The following SULT2B1 variants were observed in gnomAD, a reference collection of about 807,000 sequenced individuals.
SULT2B1 encodes the protein sulfotransferase 2B1.
Under a neutral mutation model 33.2 loss-of-function variants are expected in SULT2B1, and 16 were observed. That is an observed-to-expected ratio of 0.48 (90% confidence interval 0.33 to 0.73). SULT2B1 has a LOEUF of 0.73. Ranked by LOEUF, SULT2B1 falls within the 30% of genes least tolerant of loss-of-function variation. The pLI is 0.02. For missense variants in SULT2B1, 500 were observed against 506.0 expected (o/e 0.99, Z 0.11); for synonymous variants, 186 against 200.5 (o/e 0.93, Z 0.61).
At position 48,584,496 on chromosome 19, in the gene SULT2B1, G is replaced by A. The variant is rs1973537280; in HGVS notation, c.215-2733G>A. 2.0e-5 allele frequency among the ~76,000 whole-genome samples: 3 copies of A among 151,866 alleles called. No homozygotes were observed. In the South Asian group the frequency reaches 6.2e-4, roughly 31 times the overall value. ...AGGTTTAACACTGAGCTAGCTGGCA[G>A]AGGAGAAATGTTTACAGGGTCCAGC... On this transcript the variant is annotated intron_variant, in intron 2 of 6. Transcript: ENST00000201586.
intron 2 of SULT2B1, among the ~76,000 whole-genome samples, chr19:48,586,577 A>G (rs532388639): frequency 1.3e-5 from 2 of 152,288 alleles, no homozygotes; most frequent in East Asian, 3.9e-4. Context: ...CCCCACACAT[A>G]GCAGCAGGGG....
intron 3 of SULT2B1, among the ~76,000 whole-genome samples, chr19:48,590,945 T>C (rs1601110648): frequency 6.6e-6 from 1 of 151,970 alleles, no homozygotes; most frequent in South Asian, 2.1e-4. Flanking sequence ...GTGATCCTCC[T>C]GCCTTAGCCT....
intron 2 of SULT2B1, among the ~76,000 whole-genome samples, chr19:48,583,644 C>T (rs1973524080): frequency 6.6e-6 from 1 of 151,986 alleles, no homozygotes; most frequent in South Asian, 2.1e-4. Flanking sequence ...ATGGCCAAAC[C>T]CCGTCTCTAC....
At chr19:48,595,088 C>T (rs1227899939) in intron 5 of SULT2B1, among the ~76,000 whole-genome samples, 1 of 151,710 alleles carries the variant, frequency 6.6e-6, no homozygotes, top group Non-Finnish European at 1.5e-5. Context: ...TTCGAGACTA[C>T]CCTGACCAAC....
chr19:48,596,824 C>G lies in SULT2B1; in HGVS notation c.731C>G (p.Ser244Ter). 1 of 1,609,924 alleles carries G rather than the reference C, an allele frequency of 6.2e-7. No homozygotes were observed. The highest frequency in any genetic ancestry group is 8.5e-7 in the Non-Finnish European group (1 of 1,179,964). ...GCACTGGGCTCCGTCGTGGCACACT[C>G]AACCTTCAGCGCCATGAAGGCCAAC... ...KEALGSVVAH[S>*]TFSAMKANTM... Residue 244 changes from serine to a stop codon, truncating the protein, a stop_gained, in exon 6 of 7, where the codon TCA (serine) becomes TGA (stop). Coordinates refer to ENST00000201586, the MANE Select transcript of SULT2B1 (RefSeq NM_177973.2). LOFTEE classifies it high-confidence loss of function.
intron 1 of SULT2B1, among the ~76,000 whole-genome samples, chr19:48,573,508 G>A (rs538979387): frequency 2.6e-5 from 4 of 152,240 alleles, no homozygotes; most frequent in East Asian, 1.9e-4. Context: ...ATGCAGCCAC[G>A]TAGGCATGTG....
intron 2 of SULT2B1, among the ~76,000 whole-genome samples, chr19:48,583,486 C>T (rs748827663): frequency 1.7e-4 from 26 of 152,310 alleles, no homozygotes; most frequent in Admixed American, 1.6e-3. Context: ...ACAAATTATG[C>T]TATATTCATA....
chr19:48,577,978 A>G (rs1018375594), intron 2 of SULT2B1, among the ~76,000 whole-genome samples: 1 of 152,130 alleles, frequency 6.6e-6, no homozygotes, highest in Non-Finnish European at 1.5e-5. Context: ...GCACTTTGGG[A>G]GGCTGAAGTA....
chr19:48,576,976 T>A (rs1213511125), intron 2 of SULT2B1, among the ~76,000 whole-genome samples: 1 of 151,202 alleles, frequency 6.6e-6, no homozygotes, highest in Non-Finnish European at 1.5e-5. Context: ...TTACACACAA[T>A]TTGAGTGTTT....
intron 3 of SULT2B1, among the ~76,000 whole-genome samples, chr19:48,589,485 C>T (rs762420973): frequency 1.6e-4 from 24 of 152,018 alleles, no homozygotes; most frequent in Non-Finnish European, 2.4e-4. Flanking sequence ...TGTAATTAAT[C>T]GAAGCTCCAG....
Position 48,574,139 on chromosome 19 carries a change from G to A in SULT2B1, c.72-1802G>A, listed in dbSNP as rs573457766. 1.9e-3 allele frequency among the ~76,000 whole-genome samples: 297 copies of A among 152,314 alleles called. 4 individuals carry two copies. Among genetic ancestry groups the A allele is most frequent in the Non-Finnish European group, 1.6e-3 (110 of 68,032 alleles). ...GGCCTCCCAAAGTGCTGGGACTACA[G>A]GTGCAAGCCACTGCGCCCAGCCCTT... On this transcript the variant is annotated intron_variant, in intron 1 of 6. Transcript: ENST00000201586.
chr19:48,586,044 G>A (rs1365946680), intron 2 of SULT2B1, among the ~76,000 whole-genome samples: 1 of 151,622 alleles, frequency 6.6e-6, no homozygotes, highest in African/African-American at 2.4e-5. Flanking sequence ...TAGTGGGACC[G>A]TATGTCTTCT....
chr19:48,573,493 C>T (rs151108609), intron 1 of SULT2B1, among the ~76,000 whole-genome samples: 4 of 152,168 alleles, frequency 2.6e-5, no homozygotes, highest in East Asian at 1.9e-4. Flanking sequence ...TTTAGGAATG[C>T]GAGAATGCAG....
chr19:48,554,395 G>A (rs1428908036), intron 1 of SULT2B1, among the ~76,000 whole-genome samples: 3 of 133,718 alleles, frequency 2.2e-5, no homozygotes, highest in Non-Finnish European at 4.7e-5. Flanking sequence ...TCCTGGCCCC[G>A]ACTTCCCCCT....
At chr19:48,566,340 TC>T (rs1973243203) in intron 1 of SULT2B1, among the ~76,000 whole-genome samples, 1 of 151,868 alleles carries the variant, frequency 6.6e-6, no homozygotes, top group South Asian at 2.1e-4. Flanking sequence ...GGATTTGGGC[TC>T]CCAAAATGCT....
At chr19:48,558,497 G>GGAGTCCC (rs1198442759) in intron 1 of SULT2B1, among the ~76,000 whole-genome samples, 1 of 152,036 alleles carries the variant, frequency 6.6e-6, no homozygotes, top group Non-Finnish European at 1.5e-5. Flanking sequence ...TCTGATCTCG[G>GGAGTCCC]GAGTCCCTGG....
chr19:48,560,623 C>G (rs1396905635), intron 1 of SULT2B1, among the ~76,000 whole-genome samples: 1 of 152,108 alleles, frequency 6.6e-6, no homozygotes, highest in Non-Finnish European at 1.5e-5. Context: ...AATCACATAT[C>G]TAATCTATCT....
chr19:48,570,505 C>T (rs1973307481), intron 1 of SULT2B1, among the ~76,000 whole-genome samples: 1 of 151,698 alleles, frequency 6.6e-6, no homozygotes, highest in Non-Finnish European at 1.5e-5. Context: ...TGAGTAGTAT[C>T]GCATGGCACA....
intron 1 of SULT2B1, among the ~76,000 whole-genome samples, chr19:48,571,113 T>C (rs1223463756): frequency 1.3e-5 from 2 of 152,076 alleles, no homozygotes; most frequent in African/African-American, 4.8e-5. Flanking sequence ...CCTTGAACTC[T>C]GGGCTCAAGT....
Sources: allele counts gnomAD v4.1 joint callset (sites outside exome capture counted in the v4.1 genomes callset), GRCh38; gene constraint gnomAD v4.1.1; transcripts MANE v1.5; gene names NCBI Gene and HGNC (gene_info 2026-07-23, HGNC 2026-07-21).